The following FILIP1 variants were observed in gnomAD, a reference collection of about 807,000 sequenced individuals.
FILIP1 encodes filamin A interacting protein 1.
In FILIP1, 61 loss-of-function variants were observed where a neutral mutation model predicts 102.1. That is an observed-to-expected ratio of 0.60 (90% CI 0.49 to 0.74). FILIP1 has a LOEUF of 0.74. Among genes scored for constraint, FILIP1 ranks in the 30% least tolerant of loss-of-function variants. The pLI is 0.00. For missense variants in FILIP1, 1,314 were observed against 1,441.2 expected (o/e 0.91, Z 1.43); for synonymous variants, 491 against 526.9 (o/e 0.93, Z 0.93).
chr6:75,297,621 A>G lies in FILIP1; in HGVS notation c.3494-1671T>C, dbSNP rs146002949. Among the ~76,000 whole-genome samples the G allele has an allele frequency of 2.0e-5, 3 of 152,288 alleles. No homozygotes were observed. The East Asian group carries it at 5.8e-4, about 29-fold the overall frequency. On this transcript the variant is annotated intron_variant, in intron 6 of 6. Transcript: ENST00000393004. ...CAGCTTCAACTTCAAATGCCTAAAA[A>G]TATATCAAAATCTTCAGGCAAACAA...
intron 1 of FILIP1, among the ~76,000 whole-genome samples, chr6:75,460,581 G>A (rs1198102923): frequency 1.3e-5 from 2 of 152,104 alleles, no homozygotes; most frequent in African/African-American, 4.8e-5. Flanking sequence ...CCGTCTTAGA[G>A]TAAAATAACT....
At chr6:75,381,165 G>A (rs1045264216) in intron 2 of FILIP1, among the ~76,000 whole-genome samples, 12 of 152,070 alleles carry the variant, frequency 7.9e-5, no homozygotes, top group Non-Finnish European at 1.5e-4. Flanking sequence ...GAGAACAGTA[G>A]TGATGACACT....
chr6:75,493,563 A>T lies in FILIP1; in HGVS notation c.-156T>A, dbSNP rs896431517. 1 of 152,204 alleles carries T rather than the reference A, an allele frequency of 6.6e-6. No individual in the cohort carries two copies. The highest frequency in any genetic ancestry group is 1.5e-5 in the Non-Finnish European group (1 of 68,036). The allele number at this position is 152,204 out of a possible 1,614,324, so 9.4% of individuals were successfully genotyped here. A position where few individuals can be genotyped will look rare whatever the true frequency, so the allele number is the denominator to read the frequency against. On this transcript the variant is annotated 5_prime_UTR_variant, in exon 1 of 6. Coordinates refer to ENST00000237172, the MANE Select transcript of FILIP1 (RefSeq NM_015687.5). ...GAATACAGAGGAAAAAGCTTTTCCC[A>T]CTTTCTTTCCCAGGACCAGCCAATA...
intron 2 of FILIP1, among the ~76,000 whole-genome samples, chr6:75,413,800 G>T (rs1777159961): frequency 7.1e-6 from 1 of 140,536 alleles, no homozygotes; most frequent in Non-Finnish European, 1.6e-5. Flanking sequence ...AAAAAAAAAA[G>T]TATTGTTCCT....
intron 1 of FILIP1, among the ~76,000 whole-genome samples, chr6:75,439,289 C>A (rs1435046576): frequency 6.6e-6 from 1 of 152,110 alleles, no homozygotes; most frequent in African/African-American, 2.4e-5. Context: ...TCACTTGAAC[C>A]CAGAAGGCAG....
At position 75,464,375 on chromosome 6, in the gene FILIP1, G is replaced by A. The variant is rs557281500; in HGVS notation, c.-7+29039C>T. On this transcript the variant is annotated intron_variant, in intron 1 of 5. Coordinates refer to ENST00000237172, the MANE Select transcript of FILIP1 (RefSeq NM_015687.5). ...ATACCAGCATTTGTCCTAACATAGC[G>A]TTGATATTAACAAAAATGCTCAAGT... Among the ~76,000 whole-genome samples the A allele has an allele frequency of 1.4e-4, 22 of 152,284 alleles. No homozygotes were observed. The Middle Eastern group carries it at 0.01, about 71-fold the overall frequency.
At chr6:75,427,900 C>A (rs1490972611) in intron 1 of FILIP1, among the ~76,000 whole-genome samples, 1 of 152,138 alleles carries the variant, frequency 6.6e-6, no homozygotes, top group Non-Finnish European at 1.5e-5. Context: ...ACTACTGTAA[C>A]TGTATATTCC....
At chr6:75,322,639 C>G (rs1342960213) in intron 4 of FILIP1, among the ~76,000 whole-genome samples, 1 of 152,084 alleles carries the variant, frequency 6.6e-6, no homozygotes, top group East Asian at 1.9e-4. Context: ...ATTGTTATTG[C>G]CTTTCTTAAT....
At chr6:75,357,673 C>CATT (rs1195683403) in intron 3 of FILIP1, among the ~76,000 whole-genome samples, 10 of 152,320 alleles carry the variant, frequency 6.6e-5, no homozygotes, top group African/African-American at 2.4e-4. Flanking sequence ...CTATAACACA[C>CATT]ATTAGTGTGT....
chr6:75,432,061 AAACT>A (rs565646968), intron 1 of FILIP1, among the ~76,000 whole-genome samples: 296 of 152,354 alleles, frequency 1.9e-3, no homozygotes, highest in Non-Finnish European at 3.5e-3. Context: ...CCTAGATTGT[AAACT>A]AGTGATACCC....
intron 2 of FILIP1, among the ~76,000 whole-genome samples, chr6:75,398,286 G>A (rs1776533663): frequency 1.3e-5 from 2 of 152,160 alleles, no homozygotes; most frequent in Non-Finnish European, 2.9e-5. Context: ...TTGTTTTGAA[G>A]CTGGTCTATG....
At chr6:75,468,611 A>T (rs1286171023) in intron 1 of FILIP1, among the ~76,000 whole-genome samples, 1 of 152,230 alleles carries the variant, frequency 6.6e-6, no homozygotes, top group Non-Finnish European at 1.5e-5. Context: ...AAAGTATAAA[A>T]TAAAAGTTAG....
chr6:75,334,781 T>G (rs1774186226), intron 4 of FILIP1: 1 of 152,124 alleles, frequency 6.6e-6, no homozygotes. Flanking sequence ...AGCCCTGTCA[T>G]CAGAACAATG....
intron 4 of FILIP1, among the ~76,000 whole-genome samples, chr6:75,335,472 C>A (rs1316835306): frequency 6.7e-6 from 1 of 149,958 alleles, no homozygotes; most frequent in African/African-American, 2.5e-5. Context: ...TTTTTCTTTT[C>A]TTTTTTTCCC....
rs556304525 is a variant in FILIP1, at chr6:75,352,979, A to G, written c.629+560T>C. Among the ~76,000 whole-genome samples the G allele has an allele frequency of 3.4e-5, 5 of 148,874 alleles. No homozygotes were observed. In the South Asian group the frequency reaches 6.5e-4, roughly 19 times the overall value. On this transcript the variant is annotated intron_variant, in intron 4 of 5. Transcript: ENST00000237172. ...GAAGCAATCTAGTTTTTCTCTTTGG[A>G]GAGGAAATCTGCTTTTCAGGAAGGC... is the stretch of plus-strand genomic sequence containing the variant.
chr6:75,293,335 C>T (rs1189915990), exon 7 of FILIP1: 13 of 152,156 alleles, frequency 8.5e-5, no homozygotes. Context: ...GCAGTTTTTT[C>T]AATTGCATAT....
At chr6:75,397,186 A>AAAAT (rs975640801) in intron 2 of FILIP1, among the ~76,000 whole-genome samples, 7 of 152,142 alleles carry the variant, frequency 4.6e-5, no homozygotes, top group South Asian at 2.1e-4. Flanking sequence ...AGTTTGATTA[A>AAAAT]AAATAAATAA....
At chr6:75,416,370 T>A (rs767480059) in intron 1 of FILIP1, among the ~76,000 whole-genome samples, 3 of 152,150 alleles carry the variant, frequency 2.0e-5, no homozygotes, top group Admixed American at 6.6e-5. Flanking sequence ...CCCCAGCTTT[T>A]AACAATATAA....
chr6:75,490,441 G>GA (rs1194816057), intron 1 of FILIP1, among the ~76,000 whole-genome samples: 9 of 151,802 alleles, frequency 5.9e-5, no homozygotes, highest in Admixed American at 5.2e-4. Context: ...AATATCAAGA[G>GA]AAAAACAACA....
Sources: gnomAD v4.1 joint callset for allele counts (sites outside exome capture counted in the v4.1 genomes callset) on GRCh38, gnomAD v4.1.1 for gene constraint, MANE v1.5 for transcripts, NCBI Gene and HGNC (gene_info 2026-07-23, HGNC 2026-07-21) for gene names.